Variants in GRAMD2A observed in about 807,000 individuals in gnomAD.
The protein encoded by GRAMD2A is GRAM domain-containing protein 2A.
GRAMD2A carries 37 observed loss-of-function variants against 51.1 expected under a neutral mutation model. The observed-to-expected ratio is 0.72, with a 90% CI of 0.56 to 0.95. The LOEUF (loss-of-function observed/expected upper bound fraction) is 0.95. GRAMD2A is among the 40% of genes least tolerant of loss of function. The pLI, the probability that GRAMD2A is intolerant of heterozygous loss-of-function variation, is 0.00. For synonymous variants in GRAMD2A, 136 were observed against 157.1 expected, an observed-to-expected ratio of 0.87 and a Z score of 1.01; for missense variants, 414 against 426.9, an observed-to-expected ratio of 0.97 and a Z score of 0.27.
chr15:72,197,453 C>G (rs1433094958), intron 1 of GRAMD2A, among the ~76,000 whole-genome samples: 1 of 152,166 alleles, frequency 6.6e-6, no homozygotes, highest in African/African-American at 2.4e-5. Context: ...TTCCTTGCCC[C>G]GATGCTGCCG....
At chr15:72,169,103 C>G in intron 2 of GRAMD2A, 107 bp from the exon 3 acceptor site, 1 of 950,348 alleles carries the variant, frequency 1.1e-6, no homozygotes, top group Non-Finnish European at 1.7e-6. Flanking sequence ...AGGCAGAGAT[C>G]AGAGACTAGG....
intron 2 of GRAMD2A, 102 bp downstream of exon 2, chr15:72,169,745 G>A: frequency 4.3e-6 from 4 of 933,826 alleles, no homozygotes; most frequent in Non-Finnish European, 7.0e-6. Flanking sequence ...CCTGCAAAGG[G>A]GCCCCGGCTC....
intron 7 of GRAMD2A, among the ~76,000 whole-genome samples, chr15:72,165,762 A>T (rs1405882225): frequency 6.6e-6 from 1 of 152,256 alleles, no homozygotes; most frequent in African/African-American, 2.4e-5. Context: ...CGATGGTTCC[A>T]CTTAAGATTT....
chr15:72,182,298 G>C (rs2081702096), intron 1 of GRAMD2A, among the ~76,000 whole-genome samples: 1 of 149,538 alleles, frequency 6.7e-6, no homozygotes, highest in Non-Finnish European at 1.5e-5. Flanking sequence ...CCGGGAGGTG[G>C]AGGTTGCAGT....
In GRAMD2A at chr15:72,163,298, C is replaced by G; in HGVS notation, c.924G>C (p.Trp308Cys). The G allele has an allele frequency of 2.5e-6, 4 of 1,614,110 alleles. No homozygotes were observed. Among genetic ancestry groups the G allele is most frequent in the Non-Finnish European group, 3.4e-6 (4 of 1,179,958 alleles). Residue 308 changes from tryptophan (W) to cysteine (C), a missense_variant, in exon 10 of 12, where the codon TGG becomes TGC. Trp to Cys is a radical substitution (Grantham distance 215, BLOSUM62 -2). Coordinates refer to ENST00000309731, the MANE Select transcript of GRAMD2A (RefSeq NM_001012642.3). ...AGAAGACCTTGAGGAGCCGGTAATC[C>G]CAGAGCCTCAGCTCCCCAGTGCTCC... is the stretch of plus-strand genomic sequence containing the variant. The part of the protein sequence containing the change: ...EPRSTGELRL[W>C]DYRLLKVFFV...
intron 1 of GRAMD2A, among the ~76,000 whole-genome samples, chr15:72,180,260 TC>T (rs2081686696): frequency 6.6e-6 from 1 of 152,188 alleles, no homozygotes; most frequent in Admixed American, 6.5e-5. Context: ...GCTGGCTTCG[TC>T]CCATCATGCC....
At chr15:72,178,774 C>T (rs2081674672) in intron 1 of GRAMD2A, among the ~76,000 whole-genome samples, 1 of 151,834 alleles carries the variant, frequency 6.6e-6, no homozygotes, top group African/African-American at 2.4e-5. Flanking sequence ...AGGGGTTTCA[C>T]CGTGTTAGCC....
intron 8 of GRAMD2A, among the ~76,000 whole-genome samples, chr15:72,164,088 T>C (rs71395066): frequency 0.013 from 2,051 of 152,274 alleles, 22 homozygotes; most frequent in East Asian, 0.027. Flanking sequence ...ATGTCTTAGG[T>C]AGGATAAGTT....
intron 8 of GRAMD2A, 83 bp from the exon 9 acceptor site, chr15:72,163,840 G>C: frequency 7.0e-7 from 1 of 1,428,210 alleles, no homozygotes; most frequent in Non-Finnish European, 9.5e-7. Flanking sequence ...GTTTATCAGA[G>C]TTTTCTCCAG....
chr15:72,168,979 C>G lies in GRAMD2A; in HGVS notation c.152G>C (p.Gly51Ala). 6.2e-7 allele frequency: 1 copy of G among 1,614,210 alleles called. No individual in the cohort carries two copies. The highest frequency in any genetic ancestry group is 1.7e-5 in the Admixed American group (1 of 60,034). ...PPDYSLHWPEGLKGEEIKKCG... is the reference protein window; with the variant it reads ...PPDYSLHWPEALKGEEIKKCG... Reference sequence around the variant, plus strand: ...CTTCTTTATCTCTTCACCCTTCAAGCCTTCTGGCCAGTGCAGACTGCAAAG... The same window carrying G: ...CTTCTTTATCTCTTCACCCTTCAAGGCTTCTGGCCAGTGCAGACTGCAAAG... Residue 51 changes from glycine to alanine, a missense_variant, in exon 3 of 12, where the codon GGC (glycine) becomes GCC (alanine). Coordinates refer to ENST00000309731, the MANE Select transcript of GRAMD2A (RefSeq NM_001012642.3).
chr15:72,171,725 T>A (rs772142593), intron 1 of GRAMD2A, among the ~76,000 whole-genome samples: 2 of 152,244 alleles, frequency 1.3e-5, no homozygotes, highest in Admixed American at 6.5e-5. Flanking sequence ...TTCCAAATAA[T>A]TATTAACCAC....
rs76207340 is a variant in GRAMD2A at position 72,171,284 on chromosome 15, GT to G, written c.42-1346del. The stretch of plus-strand genomic sequence containing the variant: ...TTCCATCATGTCACATTTCACAGAG[GT>G]TTTTTTTTTTCCCTTGATTTTTAAA... On this transcript the variant is annotated intron_variant, in intron 1 of 11. Coordinates refer to ENST00000309731, the MANE Select transcript of GRAMD2A (RefSeq NM_001012642.3). Among the ~76,000 whole-genome samples, 444 of 146,154 alleles carry G rather than the reference GT, an allele frequency of 3.0e-3. 1 individual carries two copies. Among genetic ancestry groups the G allele is most frequent in the African/African-American group, 9.5e-3 (379 of 40,004 alleles).
At chr15:72,180,203 A>G (rs1246969502) in intron 1 of GRAMD2A, among the ~76,000 whole-genome samples, 1 of 152,208 alleles carries the variant, frequency 6.6e-6, no homozygotes, top group African/African-American at 2.4e-5. Context: ...CCTACAAAGC[A>G]TAGGCCAAAT....
chr15:72,191,494 T>C (rs2081767668), intron 1 of GRAMD2A, among the ~76,000 whole-genome samples: 1 of 152,154 alleles, frequency 6.6e-6, no homozygotes, highest in Non-Finnish European at 1.5e-5. Context: ...GGACCCACCG[T>C]GCCCAGCTGG....
At chr15:72,189,370 T>G (rs2081753433) in intron 1 of GRAMD2A, among the ~76,000 whole-genome samples, 1 of 152,198 alleles carries the variant, frequency 6.6e-6, no homozygotes, top group Non-Finnish European at 1.5e-5. Context: ...AATGAGTGCA[T>G]GTAAAACTAG....
chr15:72,169,238 A>C (rs2081582743), intron 2 of GRAMD2A: 1 of 567,948 alleles, frequency 1.8e-6, no homozygotes, highest in South Asian at 2.0e-5. Context: ...CACCTTCCCC[A>C]GTGCGGGTGA....
intron 1 of GRAMD2A, among the ~76,000 whole-genome samples, chr15:72,180,529 G>A (rs1326412264): frequency 1.3e-5 from 2 of 152,256 alleles, no homozygotes; most frequent in Non-Finnish European, 2.9e-5. Flanking sequence ...GCCAGGGGCT[G>A]TGGCTACTCT....
intron 1 of GRAMD2A, among the ~76,000 whole-genome samples, chr15:72,183,229 A>T (rs1176733794): frequency 1.3e-5 from 2 of 151,632 alleles, no homozygotes; most frequent in Non-Finnish European, 2.9e-5. Context: ...GTTCTAAAAG[A>T]ACTCTTGGCC....
chr15:72,182,658 C>A (rs374564055), intron 1 of GRAMD2A, among the ~76,000 whole-genome samples: 9 of 152,242 alleles, frequency 5.9e-5, no homozygotes, highest in African/African-American at 2.2e-4. Context: ...CCCTTATAAT[C>A]TTGAGGACAT....
Sources: allele counts gnomAD v4.1 joint callset (sites outside exome capture counted in the v4.1 genomes callset), GRCh38; gene constraint gnomAD v4.1.1; transcripts MANE v1.5; gene names NCBI Gene and HGNC (gene_info 2026-07-23, HGNC 2026-07-21).